THAP6: variants seen among roughly 807,000 people sequenced by gnomAD.
THAP6 encodes the protein THAP domain-containing protein 6.
Under a neutral mutation model 20.0 loss-of-function variants are expected in THAP6, and 13 were observed. That is an observed-to-expected ratio of 0.65 (90% CI 0.42 to 1.03). The LOEUF (loss-of-function observed/expected upper bound fraction) is 1.03, where lower values mean the gene tolerates loss of function less well. Ranked by LOEUF, THAP6 falls within the 50% of genes least tolerant of loss-of-function variation. The pLI is 0.00. For missense variants in THAP6, 262 were observed against 261.6 expected, an observed-to-expected ratio of 1.00 and a Z score of -0.01; for synonymous variants, 93 against 92.2, an observed-to-expected ratio of 1.01 and a Z score of -0.05.
At position 75,529,435 on chromosome 4, in the gene THAP6, A is replaced by G; in HGVS notation, c.*2221A>G. The G allele has an allele frequency of 2.0e-6, 2 of 985,418 alleles. No individual in the cohort carries two copies. The highest frequency in any genetic ancestry group is 2.4e-6 in the Non-Finnish European group (2 of 829,932). 61.0% of individuals were successfully genotyped at this position (985,418 alleles called of 1,614,324 possible). A position where few individuals can be genotyped will look rare whatever the true frequency, so the allele number is the denominator to read the frequency against. On this transcript the variant is annotated 3_prime_UTR_variant, in exon 5 of 5. Transcript: ENST00000311638. The stretch of plus-strand genomic sequence containing the variant: ...TTTCACTGGACCTAGTATAACTGAG[A>G]AATAAATAACTGTGTGCAAAATATT...
upstream of THAP6, chr4:75,514,451 G>A (rs758366808): frequency 2.7e-4 from 200 of 730,386 alleles, no homozygotes; most frequent in Non-Finnish European, 3.1e-4. Context: ...GGTTCCCGGG[G>A]CTACGAGGCG....
intron 2 of THAP6, among the ~76,000 whole-genome samples, chr4:75,516,122 A>G (rs1243513860): frequency 6.6e-6 from 1 of 152,246 alleles, no homozygotes; most frequent in Non-Finnish European, 1.5e-5. Flanking sequence ...TGTTAGAGAA[A>G]GATCTCCTAG....
At chr4:75,546,759 C>T (rs756272662) in intron 3 of THAP6, among the ~76,000 whole-genome samples, 3 of 152,200 alleles carry the variant, frequency 2.0e-5, no homozygotes, top group Non-Finnish European at 2.9e-5. Context: ...TTCCCTCTTA[C>T]TCAGGGAAGC....
chr4:75,527,773 T>C lies in THAP6; in HGVS notation c.*559T>C, dbSNP rs982213601. 2 of 986,526 alleles carry C rather than the reference T, an allele frequency of 2.0e-6. No homozygotes were observed. Among genetic ancestry groups the C allele is most frequent in the Non-Finnish European group, 2.4e-6 (2 of 830,702 alleles). The allele number at this position is 986,526 out of a possible 1,614,324, so 61.1% of individuals were successfully genotyped here. On this transcript the variant is annotated 3_prime_UTR_variant, in exon 5 of 5. Coordinates refer to ENST00000311638, the MANE Select transcript of THAP6 (RefSeq NM_144721.6). The stretch of plus-strand genomic sequence containing the variant: ...GAGAATAACACATAGTGAAGATCTG[T>C]GGGCTTTTAAAATTGTTCACAGCCA...
At chr4:75,540,033 C>A in intron 2 of THAP6, 1 of 1,478,498 alleles carries the variant, frequency 6.8e-7, no homozygotes, top group South Asian at 1.3e-5. Flanking sequence ...CATTGTATCA[C>A]TGAAAGGGAA....
chr4:75,515,326 C>T, intron 1 of THAP6, 107 bp from the exon 2 acceptor site: 1 of 1,023,498 alleles, frequency 9.8e-7, no homozygotes, highest in Non-Finnish European at 1.5e-6. Context: ...AGATATTTGT[C>T]TTTAGCTTTC....
rs551200999 is a variant in THAP6, at chr4:75,521,714, T to G, written c.289-22T>G. 2.2e-5 allele frequency: 34 copies of G among 1,573,464 alleles called. 1 individual carries two copies. In the South Asian group the frequency reaches 3.8e-4, roughly 18 times the overall value. ...GAACAAAAGTATCTCACTTGATGAT[T>G]ATTATTAACTACTCTTAACAGGGGA... On this transcript the variant is annotated intron_variant, in intron 3 of 4. Transcript: ENST00000311638.
At position 75,527,504 on chromosome 4, in the gene THAP6, G is replaced by A; in HGVS notation, c.*290G>A. 1 of 1,179,686 alleles carries A rather than the reference G, an allele frequency of 8.5e-7. No individual in the cohort carries two copies. The highest frequency in any genetic ancestry group is 1.6e-5 in the African/African-American group (1 of 64,298). 73.1% of individuals were successfully genotyped at this position (1,179,686 alleles called of 1,614,324 possible). On this transcript the variant is annotated 3_prime_UTR_variant, in exon 5 of 5. Coordinates refer to ENST00000311638, the MANE Select transcript of THAP6 (RefSeq NM_144721.6). ...AATTTCACAGAGCTAAAGAAATGAT[G>A]TCAAATTAGTCACATTAAGCTATAG... is the stretch of plus-strand genomic sequence containing the variant.
intron 2 of THAP6, among the ~76,000 whole-genome samples, chr4:75,536,054 C>T (rs1268216798): frequency 6.6e-6 from 1 of 152,230 alleles, no homozygotes; most frequent in East Asian, 1.9e-4. Flanking sequence ...TTTGGTCTCC[C>T]TGTTTCCAGT....
chr4:75,545,914 T>C (rs956175463), intron 3 of THAP6, among the ~76,000 whole-genome samples: 10 of 152,098 alleles, frequency 6.6e-5, no homozygotes, highest in Admixed American at 4.6e-4. Flanking sequence ...AGTGGGCCCT[T>C]GAGGGTGTGA....
chr4:75,521,892 A>C, intron 4 of THAP6, 31 bp downstream of exon 4: 1 of 1,612,570 alleles, frequency 6.2e-7, no homozygotes. Context: ...GCTCATGTTA[A>C]TTCTTTTAAG....
At chr4:75,525,972 G>A (rs1726339264) in intron 4 of THAP6, among the ~76,000 whole-genome samples, 1 of 152,184 alleles carries the variant, frequency 6.6e-6, no homozygotes, top group Non-Finnish European at 1.5e-5. Context: ...AGCCTCTGAA[G>A]ATCTTGAGTT....
At chr4:75,538,644 A>G (rs888497236) in intron 2 of THAP6, among the ~76,000 whole-genome samples, 3 of 152,132 alleles carry the variant, frequency 2.0e-5, no homozygotes, top group Admixed American at 6.5e-5. Context: ...TACCCTCTTC[A>G]TAGGTCTCAT....
At chr4:75,514,081 G>T, upstream of THAP6, 3 of 1,482,380 alleles carry the variant, frequency 2.0e-6, no homozygotes, top group South Asian at 1.3e-5. Flanking sequence ...AGGTGGAAAA[G>T]GTATCCTGAA....
intron 2 of THAP6, among the ~76,000 whole-genome samples, chr4:75,538,730 G>A (rs940806887): frequency 6.6e-6 from 1 of 152,140 alleles, no homozygotes; most frequent in Admixed American, 6.5e-5. Flanking sequence ...TGGAGAACAC[G>A]CTCAAGATAA....
At chr4:75,531,231 G>C (rs1025314731), downstream of THAP6, among the ~76,000 whole-genome samples, 1 of 152,162 alleles carries the variant, frequency 6.6e-6, no homozygotes, top group African/African-American at 2.4e-5. Context: ...GTAAAGGGGG[G>C]CTGTATGACC....
intron 4 of THAP6, among the ~76,000 whole-genome samples, chr4:75,524,110 T>C (rs1054878263): frequency 3.3e-5 from 5 of 152,202 alleles, no homozygotes; most frequent in African/African-American, 1.2e-4. Flanking sequence ...CTCTTTTCTG[T>C]TCCATTGGTC....
At chr4:75,546,331 T>C (rs1173335807) in intron 3 of THAP6, among the ~76,000 whole-genome samples, 1 of 152,168 alleles carries the variant, frequency 6.6e-6, no homozygotes, top group Non-Finnish European at 1.5e-5. Flanking sequence ...ACCAGCACCT[T>C]TCTGAAGTGT....
chr4:75,533,013 G>A (rs536647818), downstream of THAP6, among the ~76,000 whole-genome samples: 2 of 152,174 alleles, frequency 1.3e-5, no homozygotes, highest in Admixed American at 6.5e-5. Flanking sequence ...CATTACTTAC[G>A]CAAGTTTCTG....
Sources: allele counts gnomAD v4.1 joint callset (sites outside exome capture counted in the v4.1 genomes callset), GRCh38; gene constraint gnomAD v4.1.1; transcripts MANE v1.5; gene names NCBI Gene and HGNC (gene_info 2026-07-23, HGNC 2026-07-21).